The following BCAS3 variants were observed in gnomAD, a reference collection of about 807,000 sequenced individuals.
BCAS3 encodes the protein BCAS3 microtubule associated cell migration factor.
Under a neutral mutation model 116.1 loss-of-function variants are expected in BCAS3, and 53 were observed. The ratio of observed to expected loss-of-function variants is 0.46; its 90% CI spans 0.37 to 0.57. The LOEUF is 0.57. Ranked by LOEUF, BCAS3 falls within the 20% of genes least tolerant of loss-of-function variation. The pLI is 0.00. For synonymous variants in BCAS3, 391 were observed against 408.2 expected, an observed-to-expected ratio of 0.96 and a Z score of 0.51; for missense variants, 917 against 1,165.4, an observed-to-expected ratio of 0.79 and a Z score of 3.10.
intron 5 of BCAS3, among the ~76,000 whole-genome samples, chr17:60,739,877 G>GTT (rs199781421): frequency 6.2e-5 from 9 of 146,036 alleles, no homozygotes; most frequent in African/African-American, 2.4e-4. Flanking sequence ...TGTTTTTTTT[G>GTT]TTTTTGTTTT....
At chr17:61,269,360 C>G (rs1031651879) in intron 22 of BCAS3, among the ~76,000 whole-genome samples, 1 of 152,146 alleles carries the variant, frequency 6.6e-6, no homozygotes, top group Non-Finnish European at 1.5e-5. Context: ...AGTAATCCAC[C>G]TGCCTCGACT....
chr17:61,175,687 A>T (rs2079092388), intron 22 of BCAS3, among the ~76,000 whole-genome samples: 1 of 152,162 alleles, frequency 6.6e-6, no homozygotes, highest in African/African-American at 2.4e-5. Context: ...CCAACAATAC[A>T]CTGTGGTTCA....
At chr17:61,102,798 TGGCCATAGTTCA>T (rs1304918057) in intron 22 of BCAS3, among the ~76,000 whole-genome samples, 2 of 152,266 alleles carry the variant, frequency 1.3e-5, no homozygotes, top group Middle Eastern at 3.4e-3. Flanking sequence ...AAAAATCTTC[TGGCCATAGTTCA>T]GGTACATAAC....
At chr17:61,146,671 ATGT>A (rs1439900864) in intron 22 of BCAS3, among the ~76,000 whole-genome samples, 1 of 152,162 alleles carries the variant, frequency 6.6e-6, no homozygotes, top group Non-Finnish European at 1.5e-5. Flanking sequence ...TCCACTGATG[ATGT>A]TCATTTTCTT....
chr17:60,861,646 T>C (rs1182760177), intron 7 of BCAS3, among the ~76,000 whole-genome samples: 2 of 152,174 alleles, frequency 1.3e-5, no homozygotes, highest in South Asian at 2.1e-4. Flanking sequence ...ATGGCTCTTA[T>C]TATTTTGAGG....
chr17:60,824,982 A>G (rs908187679), intron 7 of BCAS3, among the ~76,000 whole-genome samples: 5 of 152,164 alleles, frequency 3.3e-5, no homozygotes, highest in Admixed American at 3.3e-4. Context: ...CCTAGGCAAC[A>G]TGGTGAAACC....
chr17:60,933,268 TTATC>T (rs2059756018), intron 13 of BCAS3, among the ~76,000 whole-genome samples: 1 of 152,252 alleles, frequency 6.6e-6, no homozygotes, highest in Non-Finnish European at 1.5e-5. Context: ...TATTTCTTAT[TTATC>T]AAACTATCGT....
At chr17:60,784,297 A>T (rs1182772549) in intron 6 of BCAS3, among the ~76,000 whole-genome samples, 17 of 114,836 alleles carry the variant, frequency 1.5e-4, no homozygotes, top group Non-Finnish European at 1.6e-4. Context: ...AATGAAACAA[A>T]TTTTTTTTTT....
In BCAS3 at chr17:61,222,766, T is replaced by TAACAG. The variant is rs1421797898; in HGVS notation, c.2425+138202_2425+138203insAACAG. ...CTCTGCGACTCCAGGTCGATTCGTC[T>TAACAG]GCCTGTTGGCTTTTTTGATTTTTGC... On this transcript the variant is annotated intron_variant, in intron 22 of 23. Coordinates refer to ENST00000407086, the MANE Select transcript of BCAS3 (RefSeq NM_017679.5). This position sits in a 1 kb window ranked among gnomAD's most constrained non-coding sequence, Gnocchi z 6.1. 2.0e-5 allele frequency among the ~76,000 whole-genome samples: 3 copies of TAACAG among 152,246 alleles called. No individual in the cohort carries two copies. The highest frequency in any genetic ancestry group is 4.4e-5 in the Non-Finnish European group (3 of 68,040).
intron 14 of BCAS3, among the ~76,000 whole-genome samples, chr17:60,976,407 A>T (rs1368040548): frequency 6.7e-6 from 1 of 148,394 alleles, no homozygotes; most frequent in Non-Finnish European, 1.5e-5. Flanking sequence ...TGGTAACTTT[A>T]TGTTAAACTT....
chr17:61,058,567 A>G (rs1185817795), intron 19 of BCAS3, among the ~76,000 whole-genome samples: 3 of 152,078 alleles, frequency 2.0e-5, no homozygotes, highest in Non-Finnish European at 4.4e-5. Context: ...ACAAACCAGT[A>G]TTTTCTACGA....
chr17:60,948,170 C>T (rs576907532), intron 14 of BCAS3, among the ~76,000 whole-genome samples: 13 of 151,962 alleles, frequency 8.6e-5, no homozygotes, highest in Admixed American at 1.3e-4. Context: ...AGTGGCGCTG[C>T]GATCTTTGGC....
chr17:61,276,616 G>C lies in BCAS3; in HGVS notation c.2426-91711G>C, dbSNP rs149271024. On this transcript the variant is annotated intron_variant, in intron 22 of 23. Transcript: ENST00000407086. This position sits in a 1 kb window ranked among gnomAD's most constrained non-coding sequence, Gnocchi z 4.2. ...TTAAGACGGCAGTGCTCCCCAAATT[G>C]ATCTACAGATTCAACACAATCTCTA... is the stretch of plus-strand genomic sequence containing the variant. 4.1e-4 allele frequency among the ~76,000 whole-genome samples: 63 copies of C among 152,206 alleles called. 1 individual carries two copies. The highest frequency in any genetic ancestry group is 1.4e-3 in the African/African-American group (60 of 41,526).
At position 61,204,682 on chromosome 17, in the gene BCAS3, C is replaced by T. The variant is rs2081025968; in HGVS notation, c.2425+120118C>T. 6.6e-6 allele frequency among the ~76,000 whole-genome samples: 1 copy of T among 152,066 alleles called. No individual in the cohort carries two copies. The highest frequency in any genetic ancestry group is 2.1e-4 in the South Asian group (1 of 4,828). On this transcript the variant is annotated intron_variant, in intron 22 of 23. Transcript: ENST00000407086. The surrounding 1 kb of genome is among the most constrained non-coding windows in gnomAD (Gnocchi z 4.2). ...CTTTAAATCTCATTCCCATTAATTG[C>T]TCAGTCTTTACCTTGGCGGAGAATG...
At position 61,032,899 on chromosome 17, in the gene BCAS3, A is replaced by G. The variant is rs2066747816; in HGVS notation, c.1638-1767A>G. 1.3e-5 allele frequency among the ~76,000 whole-genome samples: 2 copies of G among 152,194 alleles called. No individual in the cohort carries two copies. Among genetic ancestry groups the G allele is most frequent in the Admixed American group, 1.3e-4 (2 of 15,272 alleles). ...GGCAGAAGAGGTTTCTTTCATATAT[A>G]GTAATATGCATTACCATGGATTTTG... is the stretch of plus-strand genomic sequence containing the variant. On this transcript the variant is annotated intron_variant, in intron 16 of 23. Coordinates refer to ENST00000407086, the MANE Select transcript of BCAS3 (RefSeq NM_017679.5). The surrounding 1 kb of genome is among the most constrained non-coding windows in gnomAD (Gnocchi z 4.6).
At position 61,257,022 on chromosome 17, in the gene BCAS3, C is replaced by T. The variant is rs115884236; in HGVS notation, c.2426-111305C>T. 3.5e-3 allele frequency among the ~76,000 whole-genome samples: 536 copies of T among 152,244 alleles called. 5 individuals are homozygous for T. The highest frequency in any genetic ancestry group is 0.012 in the African/African-American group (490 of 41,542). ...ATGCTTTTTATTTACACAGCATTTC[C>T]GCTCACATGATTTCCATTTAGATCT... On this transcript the variant is annotated intron_variant, in intron 22 of 23. Transcript: ENST00000407086.
Position 60,799,520 on chromosome 17 carries a change from G to GTTTTTTTTTTT in BCAS3, c.404-8481_404-8480insTTTTTTTTTTT, listed in dbSNP as rs200098763. ...AATATGTAAGTTTTTTGAGATTAGT[G>GTTTTTTTTTTT]TTTGTTTTTTTTTTTTTTTTTTTTT... On this transcript the variant is annotated intron_variant, in intron 6 of 23. Transcript: ENST00000407086. Among the ~76,000 whole-genome samples, 745 of 117,590 alleles carry GTTTTTTTTTTT rather than the reference G, an allele frequency of 6.3e-3. 175 individuals are homozygous for GTTTTTTTTTTT. The highest frequency in any genetic ancestry group is 0.026 in the African/African-American group (709 of 27,124). The allele number at this position is 117,590 out of a possible 152,430, so 77.1% of individuals were successfully genotyped here.
intron 22 of BCAS3, among the ~76,000 whole-genome samples, chr17:61,287,735 AAAAC>A (rs1412206980): frequency 1.3e-5 from 2 of 151,118 alleles, no homozygotes; most frequent in Admixed American, 6.6e-5. Flanking sequence ...CAAAAAACAA[AAAAC>A]AAAACAAAAA....
At chr17:61,221,158 G>C (rs548551302) in intron 22 of BCAS3, among the ~76,000 whole-genome samples, 1 of 152,328 alleles carries the variant, frequency 6.6e-6, no homozygotes, top group South Asian at 2.1e-4. Context: ...TGTCGGTGCA[G>C]ATATCAGCTG....
Sources: gnomAD v4.1 joint callset for allele counts (sites outside exome capture counted in the v4.1 genomes callset) on GRCh38, gnomAD v4.1.1 for gene constraint, Gnocchi (gnomAD v3.1) non-coding constraint, MANE v1.5 for transcripts, NCBI Gene and HGNC (gene_info 2026-07-23, HGNC 2026-07-21) for gene names.